PREX1: variants seen among roughly 807,000 people sequenced by gnomAD.
PREX1 encodes phosphatidylinositol 3,4,5-trisphosphate-dependent Rac exchanger 1 protein.
A neutral mutation model predicts 198.3 loss-of-function variants in PREX1; 41 were observed. The ratio of observed to expected loss-of-function variants is 0.21; its 90% CI spans 0.16 to 0.27. The LOEUF (loss-of-function observed/expected upper bound fraction) is 0.27, where lower values mean the gene tolerates loss of function less well. Ranked by LOEUF, PREX1 falls within the 10% of genes least tolerant of loss-of-function variation. PREX1 has a pLI of 1.00. For missense variants in PREX1, 1,620 were observed against 2,200.7 expected (o/e 0.74, Z 5.28); for synonymous variants, 843 against 887.2 (o/e 0.95, Z 0.89).
intron 3 of PREX1, among the ~76,000 whole-genome samples, chr20:48,736,675 A>G (rs770621218): frequency 2.0e-5 from 3 of 152,228 alleles, no homozygotes; most frequent in Non-Finnish European, 2.9e-5. Flanking sequence ...GCTGCTGGAC[A>G]CACCTGGAAC....
At chr20:48,806,200 C>T (rs1224648540) in intron 1 of PREX1, among the ~76,000 whole-genome samples, 1 of 152,196 alleles carries the variant, frequency 6.6e-6, no homozygotes, top group East Asian at 1.9e-4. Flanking sequence ...GGCCAAACTG[C>T]CCTTGTTTGA....
the PREX1 span, among the ~76,000 whole-genome samples, chr20:48,861,711 C>T: frequency 6.6e-6 from 1 of 152,124 alleles, no homozygotes; most frequent in African/African-American, 2.4e-5. Flanking sequence ...TGAGACTCTC[C>T]TTTTTTAACT....
intron 37 of PREX1, 83 bp downstream of exon 37, chr20:48,629,366 T>G: frequency 6.6e-7 from 1 of 1,524,122 alleles, no homozygotes; most frequent in South Asian, 1.2e-5. Context: ...CCAGCCTTCC[T>G]GCCTCCTTGC....
At chr20:48,772,112 C>G (rs6125462) in intron 1 of PREX1, among the ~76,000 whole-genome samples, 1 of 151,944 alleles carries the variant, frequency 6.6e-6, no homozygotes, top group East Asian at 1.9e-4. Flanking sequence ...GAGAATCGCT[C>G]GAACCTGGGA....
intron 1 of PREX1, among the ~76,000 whole-genome samples, chr20:48,797,860 C>T (rs955541453): frequency 1.3e-5 from 2 of 152,216 alleles, no homozygotes; most frequent in African/African-American, 4.8e-5. Flanking sequence ...GACAGGCCTG[C>T]AGTCCTGACA....
At chr20:48,866,325 G>T in the PREX1 span, among the ~76,000 whole-genome samples, 3,977 of 152,274 alleles carry the variant, frequency 0.026, 197 homozygotes, top group African/African-American at 0.091. Context: ...CCATTTTCCA[G>T]ATGGATTTTT....
At chr20:48,644,520 G>A (rs1172048439) in intron 26 of PREX1, 23 bp from the exon 27 acceptor site, 4 of 1,606,298 alleles carry the variant, frequency 2.5e-6, no homozygotes, top group East Asian at 2.2e-5. Context: ...CCAGAGAAGG[G>A]GCTGAGTCAC....
In PREX1 at chr20:48,732,471, T is replaced by A. The variant is rs561352542; in HGVS notation, c.519+2075A>T. ...TTCTACTTTTATATACTGAATTCGG[T>A]ATGTGCTGTTGGGAAAACAAACAGT... On this transcript the variant is annotated intron_variant, in intron 4 of 39. Coordinates refer to ENST00000371941, the MANE Select transcript of PREX1 (RefSeq NM_020820.4). Among the ~76,000 whole-genome samples the A allele has an allele frequency of 2.1e-3, 323 of 152,284 alleles. 2 individuals carry two copies. Among genetic ancestry groups the A allele is most frequent in the African/African-American group, 7.5e-3 (311 of 41,552 alleles).
the PREX1 span, among the ~76,000 whole-genome samples, chr20:48,869,327 C>A: frequency 2.1e-5 from 3 of 142,906 alleles, no homozygotes; most frequent in African/African-American, 7.9e-5. Context: ...TAGACGGGGT[C>A]TCACTCTGTT....
chr20:48,706,303 G>A (rs550298349), intron 6 of PREX1, among the ~76,000 whole-genome samples: 4 of 152,260 alleles, frequency 2.6e-5, no homozygotes, highest in Admixed American at 2.0e-4. Context: ...CCAACTGAGT[G>A]CCAGGAAACT....
intron 1 of PREX1, among the ~76,000 whole-genome samples, chr20:48,814,912 T>C (rs2123056460): frequency 6.6e-6 from 1 of 152,152 alleles, no homozygotes; most frequent in African/African-American, 2.4e-5. Context: ...CTGTAGGAGA[T>C]GCACTTGGAA....
chr20:48,722,338 G>A (rs549356961), intron 5 of PREX1, among the ~76,000 whole-genome samples: 20 of 152,350 alleles, frequency 1.3e-4, no homozygotes, highest in Admixed American at 4.6e-4. Context: ...ATGAGCCTAA[G>A]TGAAGCCAGC....
the PREX1 span, among the ~76,000 whole-genome samples, chr20:48,863,407 C>T: frequency 6.6e-6 from 1 of 152,134 alleles, no homozygotes; most frequent in East Asian, 1.9e-4. Flanking sequence ...AATAGTTTCA[C>T]TGCCCTAAAA....
intron 1 of PREX1, among the ~76,000 whole-genome samples, chr20:48,789,047 G>A (rs1338746897): frequency 5.3e-5 from 8 of 152,142 alleles, no homozygotes; most frequent in African/African-American, 1.9e-4. Context: ...CCCAGTTTCA[G>A]GTATTCTGTT....
intron 19 of PREX1, among the ~76,000 whole-genome samples, chr20:48,654,777 C>G (rs1365539342): frequency 6.6e-6 from 1 of 152,162 alleles, no homozygotes; most frequent in African/African-American, 2.4e-5. Context: ...GTTTGGGGGC[C>G]CAGTATCATA....
intron 10 of PREX1, among the ~76,000 whole-genome samples, 195 bp from the exon 11 acceptor site, chr20:48,681,530 A>T (rs1173448400): frequency 2.0e-5 from 3 of 151,830 alleles, no homozygotes; most frequent in Non-Finnish European, 2.9e-5. Context: ...CAGAGAGGAG[A>T]GTGTGACCAG....
intron 14 of PREX1, among the ~76,000 whole-genome samples, chr20:48,667,792 T>C (rs1290428791): frequency 6.6e-6 from 1 of 152,102 alleles, no homozygotes; most frequent in Non-Finnish European, 1.5e-5. Context: ...AGGTGGGATG[T>C]CATCTTGGTG....
chr20:48,646,032 T>C lies in PREX1; in HGVS notation c.3331A>G (p.Thr1111Ala). 3.1e-6 allele frequency: 5 copies of C among 1,613,952 alleles called. No individual in the cohort carries two copies. The South Asian group carries it at 4.4e-5, about 14-fold the overall frequency. ...GATGCGTCGCAGGACCCACCCGAGG[T>C]GGGCTCTGTGATGGTGGACAGCAGC... ...NRLLSTITEP[T>A]SGGSCDASLA... is the part of the protein sequence containing the mutation. The change falls in exon 26 of 40, where the codon ACC becomes GCC. Residue 1111 changes from threonine to alanine, a missense_variant. This residue lies in a region of PREX1 where 514 missense variants were observed against 611.6 expected (regional missense o/e 0.84). Coordinates refer to ENST00000371941, the MANE Select transcript of PREX1 (RefSeq NM_020820.4).
At chr20:48,886,539 A>C in the PREX1 span, among the ~76,000 whole-genome samples, 1 of 152,170 alleles carries the variant, frequency 6.6e-6, no homozygotes, top group Admixed American at 6.5e-5. Context: ...GTGTGACCAG[A>C]AGCCTGATCT....
Sources: gnomAD v4.1 joint callset for allele counts (sites outside exome capture counted in the v4.1 genomes callset) on GRCh38, gnomAD v4.1.1 for gene constraint, gnomAD v4.1.1 regional missense constraint, MANE v1.5 for transcripts, NCBI Gene and HGNC (gene_info 2026-07-23, HGNC 2026-07-21) for gene names.